Variants in HMCN1 observed in about 807,000 individuals in gnomAD.
HMCN1 encodes the protein hemicentin 1.
A neutral mutation model predicts 625.9 loss-of-function variants in HMCN1; 321 were observed. The observed-to-expected ratio is 0.51, with a 90% CI of 0.47 to 0.56. The LOEUF is 0.56. Among genes scored for constraint, HMCN1 ranks in the 20% least tolerant of loss-of-function variants. The pLI is 0.00. For missense variants in HMCN1, 6,588 were observed against 6,887.3 expected (o/e 0.96, Z 1.54); for synonymous variants, 2,425 against 2,417.6 (o/e 1.00, Z -0.09).
chr1:185,796,398 G>C (rs969958958), intron 1 of HMCN1, among the ~76,000 whole-genome samples: 1 of 152,064 alleles, frequency 6.6e-6, no homozygotes, highest in Non-Finnish European at 1.5e-5. Context: ...GTACCCATTA[G>C]GTATTTTCTC....
Position 186,182,073 on chromosome 1 carries a change from T to C in HMCN1, c.16295-95T>C, listed in dbSNP as rs1445688115. 2.2e-6 allele frequency: 3 copies of C among 1,392,692 alleles called. No homozygotes were observed. In the African/African-American group the frequency reaches 4.3e-5, roughly 20 times the overall value. 86.3% of individuals were successfully genotyped at this position (1,392,692 alleles called of 1,614,324 possible). On this transcript the variant is annotated intron_variant, in intron 104 of 106. Transcript: ENST00000271588. ...GAGTATAAAATCACCAAGAAGTTTT[T>C]CTAATGTATATCAACAACTTGATGA...
chr1:186,107,111 A>G, intron 70 of HMCN1, 146 bp downstream of exon 70: 1 of 656,300 alleles, frequency 1.5e-6, no homozygotes, highest in Non-Finnish European at 2.8e-6. Flanking sequence ...TTTGAGACGG[A>G]GTCTCGCTTT....
In HMCN1 at chr1:186,125,654, T is replaced by A. The variant is rs781190523; in HGVS notation, c.12550T>A (p.Ser4184Thr). 1 of 1,613,378 alleles carries A rather than the reference T, an allele frequency of 6.2e-7. No homozygotes were observed. The highest frequency in any genetic ancestry group is 1.1e-5 in the South Asian group (1 of 91,078). The change falls in exon 82 of 107, where the codon TCA becomes ACA. Residue 4184 changes from serine to threonine, a missense_variant. Transcript: ENST00000271588. ...TEGHYTVNEN[S>T]QAILPCVADG... Reference sequence around the variant, plus strand: ...AGGACACTACACGGTCAATGAGAATTCACAAGCCATTCTTCCATGCGTAGC... The same window carrying A: ...AGGACACTACACGGTCAATGAGAATACACAAGCCATTCTTCCATGCGTAGC...
At chr1:185,938,905 T>G (rs537233418) in intron 11 of HMCN1, among the ~76,000 whole-genome samples, 1 of 152,246 alleles carries the variant, frequency 6.6e-6, no homozygotes, top group South Asian at 2.1e-4. Context: ...ATAAGAAAGA[T>G]GCAAGTAGTT....
intron 105 of HMCN1, 54 bp from the exon 106 acceptor site, chr1:186,187,829 T>C (rs1193490370): frequency 1.2e-6 from 2 of 1,611,376 alleles, no homozygotes; most frequent in African/African-American, 1.3e-5. Context: ...CCTGCTCTGA[T>C]GGCCTTCTCT....
chr1:186,077,966 G>A (rs1558201957), intron 54 of HMCN1, 141 bp from the exon 55 acceptor site: 3 of 663,766 alleles, frequency 4.5e-6, no homozygotes. Context: ...TGGTATCTGA[G>A]ATTAAAACTG....
intron 1 of HMCN1, among the ~76,000 whole-genome samples, chr1:185,802,309 C>G (rs1444280711): frequency 1.3e-5 from 2 of 152,078 alleles, no homozygotes; most frequent in African/African-American, 2.4e-5. Flanking sequence ...TTTGACACAT[C>G]AAACTACAGA....
chr1:186,073,756 G>T (rs555992562), intron 52 of HMCN1, among the ~76,000 whole-genome samples: 1 of 151,536 alleles, frequency 6.6e-6, no homozygotes, highest in Non-Finnish European at 1.5e-5. Context: ...TGAAAATATT[G>T]CAAGGTCAAT....
intron 97 of HMCN1, among the ~76,000 whole-genome samples, chr1:186,160,481 C>T (rs1349835502): frequency 4.0e-5 from 6 of 150,418 alleles, no homozygotes; most frequent in Non-Finnish European, 8.9e-5. Flanking sequence ...TGTGTTTGCT[C>T]TTGCTTTTCT....
rs780529619 is a variant in HMCN1, at chr1:186,093,235, G to A, written c.9989G>A (p.Arg3330Gln). 20 of 1,613,176 alleles carry A rather than the reference G, an allele frequency of 1.2e-5. No individual in the cohort carries two copies. The highest frequency in any genetic ancestry group is 3.3e-5 in the Admixed American group (2 of 59,828). ...VATNPAGEEDRIFNLNVYVTP... is the reference protein window; with the variant it reads ...VATNPAGEEDQIFNLNVYVTP... ...ACTAATCCCGCTGGAGAAGAAGACC[G>A]AATTTTTAACTTGAATGTCTATGGT... The change falls in exon 65 of 107, where the codon CGA (arginine) becomes CAA (glutamine). Residue 3330 changes from arginine to glutamine, a missense_variant. Arg to Gln is a conservative substitution (Grantham distance 43, BLOSUM62 1). This residue lies in a region of HMCN1 where 4,628 missense variants were observed against 4,853.1 expected (regional missense o/e 0.95). Transcript: ENST00000271588.
rs138813524 is a variant in HMCN1 at position 185,896,080 on chromosome 1, C to T, written c.622-13257C>T. Among the ~76,000 whole-genome samples, 1,399 of 151,916 alleles carry T rather than the reference C, an allele frequency of 9.2e-3. 11 individuals are homozygous for T. The highest frequency in any genetic ancestry group is 0.015 in the Non-Finnish European group (1,020 of 67,926). ...CCTCTTGAGTAGCTGGGACTACAGG[C>T]GCCCGCCACCATGCCCGGCTAACTT... On this transcript the variant is annotated intron_variant, in intron 4 of 106. Transcript: ENST00000271588.
intron 35 of HMCN1, among the ~76,000 whole-genome samples, chr1:186,020,998 C>A (rs1654681005): frequency 6.6e-6 from 1 of 152,042 alleles, no homozygotes; most frequent in Admixed American, 6.6e-5. Flanking sequence ...TTTAAGTAGT[C>A]ATCCAGACCC....
chr1:185,758,402 A>G (rs140732364), intron 1 of HMCN1, among the ~76,000 whole-genome samples: 5,871 of 152,244 alleles, frequency 0.039, 333 homozygotes, highest in African/African-American at 0.13. Flanking sequence ...TTGGGAGGCC[A>G]AGGTGGGTGG....
intron 4 of HMCN1, among the ~76,000 whole-genome samples, chr1:185,868,035 C>T (rs6675304): frequency 0.04 from 6,017 of 151,956 alleles, 422 homozygotes; most frequent in African/African-American, 0.14. Context: ...CACCACCGCA[C>T]TCCAGCCTGG....
chr1:185,873,540 C>A (rs1009306489), intron 4 of HMCN1, among the ~76,000 whole-genome samples: 3 of 152,034 alleles, frequency 2.0e-5, no homozygotes, highest in African/African-American at 7.2e-5. Context: ...AATGATGAGA[C>A]AAATAAAATT....
intron 1 of HMCN1, among the ~76,000 whole-genome samples, chr1:185,829,504 C>T (rs897086890): frequency 1.3e-5 from 2 of 151,974 alleles, no homozygotes; most frequent in African/African-American, 2.4e-5. Flanking sequence ...TGAGAAAATT[C>T]GGTGTTTGGT....
chr1:186,115,930 A>T (rs1558235168), intron 75 of HMCN1, among the ~76,000 whole-genome samples: 2 of 152,038 alleles, frequency 1.3e-5, no homozygotes, highest in Non-Finnish European at 2.9e-5. Context: ...TCAAAGGCTA[A>T]ACTTTAAATC....
At chr1:185,742,953 C>A (rs959100465) in intron 1 of HMCN1, among the ~76,000 whole-genome samples, 6 of 152,128 alleles carry the variant, frequency 3.9e-5, no homozygotes, top group Non-Finnish European at 7.4e-5. Context: ...TAACAGAATC[C>A]TCTGTGACTC....
chr1:186,069,928 G>A (rs1658381410), intron 51 of HMCN1, 152 bp downstream of exon 51: 3 of 676,496 alleles, frequency 4.4e-6, no homozygotes, highest in Non-Finnish European at 8.0e-6. Context: ...GTTGAATTAA[G>A]CATTGTGTCT....
Sources: allele counts gnomAD v4.1 joint callset (sites outside exome capture counted in the v4.1 genomes callset), GRCh38; gene constraint gnomAD v4.1.1; regional missense constraint gnomAD v4.1.1; transcripts MANE v1.5; gene names NCBI Gene and HGNC (gene_info 2026-07-23, HGNC 2026-07-21).